Variants in SLC26A4 observed in about 807,000 individuals in gnomAD.
The protein encoded by SLC26A4 is pendrin.
Under a neutral mutation model 90.4 loss-of-function variants are expected in SLC26A4, and 93 were observed. The ratio of observed to expected loss-of-function variants is 1.03; its 90% confidence interval spans 0.87 to 1.22. The LOEUF (loss-of-function observed/expected upper bound fraction) is 1.22, where lower values mean the gene tolerates loss of function less well. Ranked by LOEUF, SLC26A4 falls within the 50% of genes most tolerant of loss-of-function variation. The pLI, the probability that SLC26A4 is intolerant of heterozygous loss-of-function variation, is 0.00. For synonymous variants in SLC26A4, 393 were observed against 354.6 expected (o/e 1.11, Z -1.22); for missense variants, 1,127 against 946.2 (o/e 1.19, Z -2.51).
chr7:107,675,509 G>A (rs1791001069), intron 6 of SLC26A4, among the ~76,000 whole-genome samples: 2 of 147,692 alleles, frequency 1.4e-5, no homozygotes, highest in African/African-American at 5.0e-5. Flanking sequence ...CCTGTTTCAA[G>A]CAAAAACAAA....
rs1190387397 is a variant in SLC26A4 at position 107,690,165 on chromosome 7, C to A, written c.1191C>A (p.Phe397Leu). ...AFGISNIFSGFFSCFVATTAL... is the reference protein window; with the variant it reads ...AFGISNIFSGLFSCFVATTAL... Reference sequence around the variant, plus strand: ...GGATCAGCAACATCTTCTCAGGATTCTTCTCTTGTTTTGTGGCCACCACTG... The same window carrying A: ...GGATCAGCAACATCTTCTCAGGATTATTCTCTTGTTTTGTGGCCACCACTG... The change falls in exon 10 of 21, where the codon TTC (phenylalanine) becomes TTA (leucine). Residue 397 changes from phenylalanine to leucine, a missense_variant. By Grantham distance (22) the Phe-to-Leu change is conservative. Transcript: ENST00000644269. The A allele has an allele frequency of 3.1e-6, 5 of 1,613,276 alleles. No individual in the cohort carries two copies. Among genetic ancestry groups the A allele is most frequent in the Non-Finnish European group, 4.2e-6 (5 of 1,179,366 alleles).
chr7:107,691,512 T>TACACACACACACACACACACAC (rs760010561), intron 10 of SLC26A4, among the ~76,000 whole-genome samples: 47 of 110,560 alleles, frequency 4.3e-4, no homozygotes, highest in Non-Finnish European at 7.1e-4. Flanking sequence ...CAAATATATA[T>TACACACACACACACACACACAC]ATACACACAC....
chr7:107,696,354 C>T (rs1426519849), intron 13 of SLC26A4, among the ~76,000 whole-genome samples: 1 of 152,202 alleles, frequency 6.6e-6, no homozygotes, highest in East Asian at 1.9e-4. Context: ...ATGTCCTCTA[C>T]TGCTGTGCTC....
chr7:107,675,166 A>G lies in SLC26A4; in HGVS notation c.765+57A>G, dbSNP rs551689627. 4 of 1,552,676 alleles carry G rather than the reference A, an allele frequency of 2.6e-6. No homozygotes were observed. The East Asian group carries it at 6.8e-5, about 26-fold the overall frequency. On this transcript the variant is annotated intron_variant, in intron 6 of 20. Transcript: ENST00000644269. ...CACTGTTCATTCCAGAAACAATTGT[A>G]TTCATTCTCTGAGTCTGGGCCAGGC...
At chr7:107,699,991 TGTGACTTGACTCCTTGCTAA>T in intron 14 of SLC26A4, 72 bp from the exon 15 acceptor site, 1 of 802,372 alleles carries the variant, frequency 1.2e-6, no homozygotes, top group Non-Finnish European at 2.2e-6. Context: ...TCTGAGCAAC[TGTGACTTGACTCCTTGCTAA>T]GTAGCCAGAA....
intron 8 of SLC26A4, among the ~76,000 whole-genome samples, chr7:107,685,942 A>T (rs1791385140): frequency 6.6e-6 from 1 of 152,036 alleles, no homozygotes; most frequent in Admixed American, 6.6e-5. Context: ...CTGTCCTCTA[A>T]ATTTTAATCC....
At chr7:107,663,521 T>C (rs1045068050) in intron 3 of SLC26A4, 86 bp downstream of exon 3, 44 of 1,447,042 alleles carry the variant, frequency 3.0e-5, no homozygotes, top group Non-Finnish European at 4.2e-5. Context: ...GACAGATGGT[T>C]GCTTACCCTT....
At chr7:107,711,005 T>C (rs529735349) in intron 19 of SLC26A4, among the ~76,000 whole-genome samples, 156 of 152,350 alleles carry the variant, frequency 1.0e-3, no homozygotes, top group African/African-American at 3.6e-3. Flanking sequence ...TTATTGTAGA[T>C]TGGCAGTTGA....
intron 6 of SLC26A4, among the ~76,000 whole-genome samples, chr7:107,681,601 A>G (rs1209476977): frequency 2.0e-5 from 3 of 152,184 alleles, no homozygotes; most frequent in Non-Finnish European, 4.4e-5. Context: ...AGATTGTCTC[A>G]AAGAAATGTC....
rs777333979 is a variant in SLC26A4 at position 107,690,134 on chromosome 7, C to T, written c.1160C>T (p.Ala387Val). 1 of 1,601,470 alleles carries T rather than the reference C, an allele frequency of 6.2e-7. No homozygotes were observed. Among genetic ancestry groups the T allele is most frequent in the East Asian group, 2.2e-5 (1 of 44,816 alleles). ...CAGTCTCTTCCTTAGGAATTCATTG[C>T]CTTTGGGATCAGCAACATCTTCTCA... The part of the protein sequence containing the change: ...YTIDGNQEFI[A>V]FGISNIFSGF... Residue 387 changes from alanine to valine, a missense_variant, in exon 10 of 21, where the codon GCC becomes GTC. By Grantham distance (64) the Ala-to-Val change is moderately conservative. Transcript: ENST00000644269.
chr7:107,696,110 T>G, intron 13 of SLC26A4, 71 bp downstream of exon 13: 1 of 897,564 alleles, frequency 1.1e-6, no homozygotes, highest in Non-Finnish European at 1.9e-6. Flanking sequence ...ACCATTTTGA[T>G]AAATATAGTG....
rs1275029034 is a variant in SLC26A4 at position 107,715,421 on chromosome 7, A to G, written c.2320-2A>G. Reference sequence around the variant, plus strand: ...CACTTTGTTTTCCCCTTGCTTCCACAGGCTATGCGTACACTTGCATCCTGA... The same window carrying G: ...CACTTTGTTTTCCCCTTGCTTCCACGGGCTATGCGTACACTTGCATCCTGA... On this transcript the variant is annotated splice_acceptor_variant, in intron 20 of 20. Transcript: ENST00000644269. LOFTEE classifies it high-confidence loss of function. 5.0e-6 allele frequency: 8 copies of G among 1,612,974 alleles called. No homozygotes were observed. Among genetic ancestry groups the G allele is most frequent in the South Asian group, 1.1e-5 (1 of 91,068 alleles).
chr7:107,715,233 T>C (rs1057243500), intron 20 of SLC26A4, among the ~76,000 whole-genome samples, 190 bp from the exon 21 acceptor site: 2 of 144,204 alleles, frequency 1.4e-5, no homozygotes, highest in Middle Eastern at 3.2e-3. Flanking sequence ...TGAGATTCAG[T>C]CTCCAAAAAA....
chr7:107,680,139 ATAATCTTATCTTATTATATAATATAATC>A (rs1791172216), intron 6 of SLC26A4, among the ~76,000 whole-genome samples: 2 of 122,754 alleles, frequency 1.6e-5, no homozygotes, highest in African/African-American at 7.1e-5. Context: ...ATTATATAAT[ATAATCTTATCTTATTATATAATATAATC>A]TTATCTTATT....
chr7:107,716,286 C>T lies in SLC26A4; in HGVS notation c.*840C>T, dbSNP rs886061889. On this transcript the variant is annotated 3_prime_UTR_variant, in exon 21 of 21. Transcript: ENST00000644269. ...TGTATAGGTATGATCTGTGTAAAAT[C>T]TGACATAAAAACAGTGCTATTCTGA... The T allele has an allele frequency of 2.0e-5, 3 of 152,092 alleles. No homozygotes were observed. The highest frequency in any genetic ancestry group is 4.4e-5 in the Non-Finnish European group (3 of 68,014). The allele number at this position is 152,092 out of a possible 1,614,324, so 9.4% of individuals were successfully genotyped here. A position where few individuals can be genotyped will look rare whatever the true frequency, so the allele number is the denominator to read the frequency against.
chr7:107,674,290 G>T lies in SLC26A4; in HGVS notation c.542G>T (p.Arg181Ile). The change falls in exon 5 of 21, where the codon AGA becomes ATA. Residue 181 changes from arginine (R) to isoleucine (I), a missense_variant. Transcript: ENST00000644269. ...ACTACTATGATAGACACTGCAGCTA[G>T]AGATACAGCTAGAGTCCTGATTGCC... ...LNTTMIDTAA[R>I]DTARVLIASA... The T allele has an allele frequency of 6.2e-7, 1 of 1,613,990 alleles. No individual in the cohort carries two copies. The highest frequency in any genetic ancestry group is 8.5e-7 in the Non-Finnish European group (1 of 1,179,844).
At chr7:107,714,626 G>A (rs117667213) in intron 20 of SLC26A4, among the ~76,000 whole-genome samples, 5 of 152,204 alleles carry the variant, frequency 3.3e-5, no homozygotes, top group South Asian at 2.1e-4. Flanking sequence ...TGGTTGCCAC[G>A]TAAAATAATC....
intron 3 of SLC26A4, among the ~76,000 whole-genome samples, chr7:107,663,806 C>A (rs981775285): frequency 4.6e-5 from 7 of 152,122 alleles, no homozygotes; most frequent in African/African-American, 1.7e-4. Flanking sequence ...GCCTCAGCCT[C>A]CCCAGTAGCT....
intron 8 of SLC26A4, 125 bp from the exon 9 acceptor site, chr7:107,688,928 T>C: frequency 1.0e-6 from 1 of 985,274 alleles, no homozygotes; most frequent in East Asian, 2.4e-5. Flanking sequence ...TCGTGTGCTT[T>C]TTGTTCTTTT....
Sources: allele counts gnomAD v4.1 joint callset (sites outside exome capture counted in the v4.1 genomes callset), GRCh38; gene constraint gnomAD v4.1.1; transcripts MANE v1.5; gene names NCBI Gene and HGNC (gene_info 2026-07-23, HGNC 2026-07-21).